The following EPHB1 variants were observed in gnomAD, a reference collection of about 807,000 sequenced individuals.
EPHB1 encodes ephrin type-B receptor 1.
A neutral mutation model predicts 94.4 loss-of-function variants in EPHB1; 30 were observed. The ratio of observed to expected loss-of-function variants is 0.32; its 90% CI spans 0.24 to 0.43. The LOEUF is 0.43. EPHB1 is among the 20% of genes least tolerant of loss of function. EPHB1 has a pLI of 1.00. For missense variants in EPHB1, 1,055 were observed against 1,308.3 expected (o/e 0.81, Z 2.99); for synonymous variants, 522 against 489.1 (o/e 1.07, Z -0.89).
chr3:135,019,233 C>T (rs1207669797), intron 3 of EPHB1, among the ~76,000 whole-genome samples: 3 of 152,070 alleles, frequency 2.0e-5, no homozygotes, highest in Non-Finnish European at 4.4e-5. Context: ...TTCCAAAGGC[C>T]TGAAATCCCA....
intron 4 of EPHB1, among the ~76,000 whole-genome samples, chr3:135,118,029 G>C (rs1178105378): frequency 1.3e-5 from 2 of 152,222 alleles, no homozygotes; most frequent in African/African-American, 2.4e-5. Flanking sequence ...ATAATGGAAA[G>C]CCACTCAGTT....
chr3:135,212,438 G>T (rs1161040192), intron 12 of EPHB1, among the ~76,000 whole-genome samples: 1 of 152,056 alleles, frequency 6.6e-6, no homozygotes, highest in Admixed American at 6.5e-5. Flanking sequence ...CAGAGTGTTG[G>T]TATTTTTGGT....
chr3:135,207,635 G>A (rs1374134486), intron 12 of EPHB1, among the ~76,000 whole-genome samples: 1 of 152,212 alleles, frequency 6.6e-6, no homozygotes, highest in Non-Finnish European at 1.5e-5. Flanking sequence ...AGGAGGGCTT[G>A]CAGAGGAAGA....
intron 9 of EPHB1, among the ~76,000 whole-genome samples, chr3:135,172,780 A>G (rs575351897): frequency 9.9e-5 from 15 of 152,258 alleles, no homozygotes; most frequent in Admixed American, 5.2e-4. Flanking sequence ...GGCTGAGTTT[A>G]CAGCGGGGGC....
At chr3:134,856,999 T>C (rs946905906) in intron 1 of EPHB1, among the ~76,000 whole-genome samples, 2 of 152,236 alleles carry the variant, frequency 1.3e-5, no homozygotes, top group Non-Finnish European at 2.9e-5. Flanking sequence ...AAAGAAGGAA[T>C]GTATCCTTCC....
In EPHB1 at chr3:135,038,952, G is replaced by A. The variant is rs530027679; in HGVS notation, c.806-67496G>A. The stretch of plus-strand genomic sequence containing the variant: ...GCCGAGTGGCCTGTTTTGTCACGGC[G>A]CTGATTGGTGCGTTTACAATCCCTG... On this transcript the variant is annotated intron_variant, in intron 3 of 15. Transcript: ENST00000398015. 3.9e-5 allele frequency among the ~76,000 whole-genome samples: 6 copies of A among 152,246 alleles called. No homozygotes were observed. In the East Asian group the frequency reaches 7.8e-4, roughly 20 times the overall value.
At chr3:135,038,999 A>G (rs145479890) in intron 3 of EPHB1, among the ~76,000 whole-genome samples, 3,697 of 152,180 alleles carry the variant, frequency 0.024, 77 homozygotes, top group Non-Finnish European at 0.038. Context: ...AAGGTTCTCT[A>G]TGTCCCCATC....
intron 1 of EPHB1, among the ~76,000 whole-genome samples, chr3:134,915,411 A>C (rs2038544480): frequency 6.6e-6 from 1 of 151,900 alleles, no homozygotes; most frequent in Admixed American, 6.6e-5. Context: ...CTGCAAGCCA[A>C]GGAACACCAG....
At chr3:134,850,184 A>G (rs921015470) in intron 1 of EPHB1, among the ~76,000 whole-genome samples, 1 of 152,230 alleles carries the variant, frequency 6.6e-6, no homozygotes, top group Admixed American at 6.5e-5. Flanking sequence ...AATGTGCTAC[A>G]TTCCTTTCTT....
At chr3:135,082,745 A>C (rs556358671) in intron 3 of EPHB1, among the ~76,000 whole-genome samples, 1 of 152,348 alleles carries the variant, frequency 6.6e-6, no homozygotes, top group East Asian at 1.9e-4. Flanking sequence ...CATAGTAGGG[A>C]AAAGTAAAAA....
At chr3:134,818,756 G>A (rs2036319964) in intron 1 of EPHB1, among the ~76,000 whole-genome samples, 1 of 152,150 alleles carries the variant, frequency 6.6e-6, no homozygotes, top group Non-Finnish European at 1.5e-5. Context: ...ATCTATCACA[G>A]TTTCTTTATC....
At position 135,260,251 on chromosome 3, in the gene EPHB1, T is replaced by C. The variant is rs753646579; in HGVS notation, c.*1131T>C. The C allele has an allele frequency of 8.6e-6, 2 of 232,966 alleles. No homozygotes were observed. The highest frequency in any genetic ancestry group is 2.2e-5 in the African/African-American group (1 of 45,324). 14.4% of individuals were successfully genotyped at this position (232,966 alleles called of 1,614,324 possible). Reference sequence around the variant, plus strand: ...AAGTGACAAGGGAGAATTCTTGCTTTACCTATGGACTGGCTTAAGCCGTGT... The same window carrying C: ...AAGTGACAAGGGAGAATTCTTGCTTCACCTATGGACTGGCTTAAGCCGTGT... On this transcript the variant is annotated 3_prime_UTR_variant, in exon 16 of 16. Transcript: ENST00000398015.
At chr3:134,889,129 AG>A in intron 1 of EPHB1, among the ~76,000 whole-genome samples, 1 of 152,228 alleles carries the variant, frequency 6.6e-6, no homozygotes, top group Non-Finnish European at 1.5e-5. Context: ...CATGTTTAAA[AG>A]GTCCTTCTAA....
At chr3:135,053,013 ATG>A (rs369600482) in intron 3 of EPHB1, among the ~76,000 whole-genome samples, 35,389 of 71,404 alleles carry the variant, frequency 0.5, 6,838 homozygotes, top group Middle Eastern at 0.58. Context: ...GTGTATATAT[ATG>A]TGTGTGTGTG....
chr3:134,956,438 T>C (rs1319921898), intron 3 of EPHB1, among the ~76,000 whole-genome samples: 1 of 152,148 alleles, frequency 6.6e-6, no homozygotes, highest in Non-Finnish European at 1.5e-5. Flanking sequence ...TAATTCTCCC[T>C]GCCATCCTCT....
At chr3:134,933,850 TC>T (rs1165998386) in intron 2 of EPHB1, among the ~76,000 whole-genome samples, 4 of 152,142 alleles carry the variant, frequency 2.6e-5, no homozygotes, top group African/African-American at 9.7e-5. Context: ...TCAGGCTCAG[TC>T]TGCAAAAGGT....
chr3:134,841,860 G>A (rs527893565), intron 1 of EPHB1, among the ~76,000 whole-genome samples: 35 of 152,282 alleles, frequency 2.3e-4, no homozygotes, highest in African/African-American at 7.2e-4. Context: ...ATTCATAAGC[G>A]TTGTTTGCCA....
intron 1 of EPHB1, among the ~76,000 whole-genome samples, chr3:134,822,478 C>G (rs2036400825): frequency 6.6e-6 from 1 of 152,068 alleles, no homozygotes; most frequent in Admixed American, 6.5e-5. Context: ...TTTTTCATTC[C>G]CATTGCAAAA....
chr3:135,061,196 T>C (rs1160766290), intron 3 of EPHB1, among the ~76,000 whole-genome samples: 2 of 152,224 alleles, frequency 1.3e-5, no homozygotes, highest in Non-Finnish European at 2.9e-5. Context: ...AGTTCTTCAG[T>C]GGTGATTTGT....
Sources: allele counts gnomAD v4.1 joint callset (sites outside exome capture counted in the v4.1 genomes callset), GRCh38; gene constraint gnomAD v4.1.1; transcripts MANE v1.5; gene names NCBI Gene and HGNC (gene_info 2026-07-23, HGNC 2026-07-21).